Variants in ELP4 observed in about 807,000 individuals in gnomAD.
ELP4 encodes elongator complex protein 4.
In ELP4, 51 loss-of-function variants were observed where a neutral mutation model predicts 48.9. That is an observed-to-expected ratio of 1.04 (90% confidence interval 0.83 to 1.32). ELP4 has a LOEUF of 1.32. ELP4 is among the 40% of genes most tolerant of loss of function. The pLI is 0.00. For missense variants in ELP4, 519 were observed against 514.6 expected (o/e 1.01, Z -0.08); for synonymous variants, 210 against 189.2 (o/e 1.11, Z -0.90).
At chr11:31,769,145 A>G (rs1948091672) in intron 9 of ELP4, among the ~76,000 whole-genome samples, 1 of 152,128 alleles carries the variant, frequency 6.6e-6, no homozygotes, top group African/African-American at 2.4e-5. Context: ...AGACCCTTAA[A>G]TGTGGGGGTC....
chr11:31,515,033 G>GTGTGTGTGTA (rs1263600301), intron 1 of ELP4, among the ~76,000 whole-genome samples: 42 of 133,966 alleles, frequency 3.1e-4, no homozygotes, highest in African/African-American at 6.4e-4. Context: ...GTGTGTGTGT[G>GTGTGTGTGTA]TATATATATA....
At chr11:31,550,397 G>A (rs1376510002) in intron 3 of ELP4, among the ~76,000 whole-genome samples, 1 of 151,880 alleles carries the variant, frequency 6.6e-6, no homozygotes, top group East Asian at 1.9e-4. Flanking sequence ...AAAAGTTTGT[G>A]GAAAAATGGA....
intron 5 of ELP4, among the ~76,000 whole-genome samples, chr11:31,608,153 T>C (rs2134008489): frequency 6.6e-6 from 1 of 151,474 alleles, no homozygotes; most frequent in East Asian, 1.9e-4. Flanking sequence ...TATATGACAG[T>C]TTGAGGTTAT....
At chr11:31,740,110 T>C (rs1471336354) in intron 9 of ELP4, among the ~76,000 whole-genome samples, 5 of 152,244 alleles carry the variant, frequency 3.3e-5, no homozygotes, top group Non-Finnish European at 7.3e-5. Flanking sequence ...TTTTAAAATT[T>C]GTACTGAATT....
chr11:31,735,358 G>A (rs192460209), intron 9 of ELP4, among the ~76,000 whole-genome samples: 3 of 152,158 alleles, frequency 2.0e-5, no homozygotes, highest in African/African-American at 4.8e-5. Flanking sequence ...AAAAGCAAAA[G>A]TAAACAAGTA....
At chr11:31,556,457 A>G (rs1460001588) in intron 3 of ELP4, among the ~76,000 whole-genome samples, 4 of 140,622 alleles carry the variant, frequency 2.8e-5, no homozygotes, top group African/African-American at 1.1e-4. Context: ...GAAATAAATT[A>G]TATACACGTG....
At chr11:31,748,417 G>A (rs889649337) in intron 9 of ELP4, among the ~76,000 whole-genome samples, 12 of 152,012 alleles carry the variant, frequency 7.9e-5, no homozygotes, top group East Asian at 5.9e-4. Context: ...GCTAATTTTT[G>A]TATTTTTAGT....
At chr11:31,623,293 T>C (rs1467149013) in intron 5 of ELP4, among the ~76,000 whole-genome samples, 1 of 144,568 alleles carries the variant, frequency 6.9e-6, no homozygotes, top group Non-Finnish European at 1.5e-5. Flanking sequence ...TCCTCAAAAG[T>C]AAAGGATTTT....
At chr11:31,624,833 C>A (rs1944704203) in intron 5 of ELP4, among the ~76,000 whole-genome samples, 1 of 151,582 alleles carries the variant, frequency 6.6e-6, no homozygotes, top group African/African-American at 2.4e-5. Context: ...AAGACACAAG[C>A]ACACACATTA....
At chr11:31,665,373 T>G (rs1391684429) in intron 9 of ELP4, among the ~76,000 whole-genome samples, 4 of 152,126 alleles carry the variant, frequency 2.6e-5, no homozygotes, top group Non-Finnish European at 5.9e-5. Flanking sequence ...TCTAGTATTT[T>G]TAATTTTCAG....
chr11:31,562,213 A>G (rs903944707), intron 3 of ELP4, among the ~76,000 whole-genome samples: 1 of 152,222 alleles, frequency 6.6e-6, no homozygotes, highest in Non-Finnish European at 1.5e-5. Context: ...TCAAAATGTG[A>G]TAGTTTCTAA....
intron 9 of ELP4, among the ~76,000 whole-genome samples, chr11:31,670,387 T>C (rs938877924): frequency 2.0e-5 from 3 of 152,198 alleles, no homozygotes; most frequent in Admixed American, 6.5e-5. Context: ...TATTATCACT[T>C]GACTGAAACA....
intron 5 of ELP4, among the ~76,000 whole-genome samples, chr11:31,622,255 A>C (rs1386637258): frequency 1.3e-5 from 2 of 151,716 alleles, no homozygotes; most frequent in Non-Finnish European, 2.9e-5. Context: ...TTCACTGATA[A>C]AATATTGTCT....
intron 9 of ELP4, among the ~76,000 whole-genome samples, chr11:31,750,023 T>A (rs1235918305): frequency 2.2e-5 from 3 of 138,714 alleles, no homozygotes; most frequent in African/African-American, 8.4e-5. Context: ...GCCCAGCTAA[T>A]TTTTTTTTTT....
intron 7 of ELP4, chr11:31,646,793 A>G (rs952246046): frequency 6.6e-6 from 1 of 151,672 alleles, no homozygotes; most frequent in African/African-American, 2.4e-5. Flanking sequence ...TGTCTAAGAC[A>G]TCATAGCATA....
chr11:31,677,567 A>C (rs1264713900), intron 9 of ELP4, among the ~76,000 whole-genome samples: 2 of 152,094 alleles, frequency 1.3e-5, no homozygotes, highest in Admixed American at 6.5e-5. Flanking sequence ...TTTAGAAAAT[A>C]CTCCAAGTTT....
In ELP4 at chr11:31,636,285, A is replaced by G. The variant is rs576291074; in HGVS notation, c.927+3880A>G. ...TAGTAGAGTGGTTTCGGGCAGAAGT[A>G]GAAATGTAGTTGGATATCCTTGAAA... is the stretch of plus-strand genomic sequence containing the variant. On this transcript the variant is annotated intron_variant, in intron 7 of 9. Transcript: ENST00000640961. 4.8e-4 allele frequency among the ~76,000 whole-genome samples: 73 copies of G among 152,132 alleles called. 3 individuals carry two copies. The South Asian group carries it at 0.012, about 25-fold the overall frequency.
intron 9 of ELP4, among the ~76,000 whole-genome samples, chr11:31,680,948 T>A (rs1246401860): frequency 1.3e-5 from 2 of 152,214 alleles, no homozygotes; most frequent in Non-Finnish European, 2.9e-5. Flanking sequence ...TAAATATTTT[T>A]GAGGTATGAA....
intron 2 of ELP4, among the ~76,000 whole-genome samples, chr11:31,524,114 T>C (rs1407905725): frequency 6.6e-6 from 1 of 152,318 alleles, no homozygotes; most frequent in East Asian, 1.9e-4. Flanking sequence ...TAATTAAACC[T>C]ATTATCAGTG....
Sources: gnomAD v4.1 joint callset for allele counts (sites outside exome capture counted in the v4.1 genomes callset) on GRCh38, gnomAD v4.1.1 for gene constraint, MANE v1.5 for transcripts, NCBI Gene and HGNC (gene_info 2026-07-23, HGNC 2026-07-21) for gene names.